The following ASF1B variants were observed in gnomAD, a reference collection of about 807,000 sequenced individuals.
ASF1B encodes histone chaperone ASF1B.
Under a neutral mutation model 16.6 loss-of-function variants are expected in ASF1B, and 10 were observed. The observed-to-expected ratio is 0.60, with a 90% CI of 0.37 to 1.02. The LOEUF is 1.02. Ranked by LOEUF, ASF1B falls within the 50% of genes least tolerant of loss-of-function variation. The pLI is 0.01. For missense variants in ASF1B, 240 were observed against 266.0 expected, an observed-to-expected ratio of 0.90 and a Z score of 0.68; for synonymous variants, 101 against 106.2, an observed-to-expected ratio of 0.95 and a Z score of 0.30.
At position 14,121,728 on chromosome 19, in the gene ASF1B, G is replaced by A. The variant is rs1241487397; in HGVS notation, c.226-20C>T. Reference sequence around the variant, plus strand: ...GTCGGCCTAGGGGAGACACATCCTAGGCCTTAGCAGTGCCACAGCCATGCC... The same window carrying A: ...GTCGGCCTAGGGGAGACACATCCTAAGCCTTAGCAGTGCCACAGCCATGCC... On this transcript the variant is annotated intron_variant, in intron 2 of 3. Transcript: ENST00000263382. 17 of 1,599,552 alleles carry A rather than the reference G, an allele frequency of 1.1e-5. No individual in the cohort carries two copies. Among genetic ancestry groups the A allele is most frequent in the Non-Finnish European group, 1.4e-5 (16 of 1,171,318 alleles).
intron 2 of ASF1B, among the ~76,000 whole-genome samples, chr19:14,122,649 T>G (rs957584126): frequency 1.3e-5 from 2 of 152,180 alleles, no homozygotes. Context: ...TGTGAGTCAC[T>G]GTGCCCAGCC....
chr19:14,130,771 C>T (rs1260931868), intron 1 of ASF1B, among the ~76,000 whole-genome samples: 1 of 134,138 alleles, frequency 7.5e-6, no homozygotes, highest in African/African-American at 2.9e-5. Context: ...GACATACCTC[C>T]ACTGTGTGTT....
rs1197502431 is a variant in ASF1B at position 14,121,530 on chromosome 19, A to G, written c.402+2T>C. The G allele has an allele frequency of 1.9e-6, 3 of 1,612,932 alleles. No individual in the cohort carries two copies. The highest frequency in any genetic ancestry group is 2.5e-6 in the Non-Finnish European group (3 of 1,179,218). On this transcript the variant is annotated splice_donor_variant, in intron 3 of 3. Transcript: ENST00000263382. LOFTEE classifies it high-confidence loss of function. ...GAAGCAGGAAGTGGAAACAGGCCCC[A>G]CCTGGGAGAAATCTGGCTTCATGGG... is the stretch of plus-strand genomic sequence containing the variant.
chr19:14,133,293 T>C (rs1009602548), intron 1 of ASF1B, among the ~76,000 whole-genome samples: 4 of 152,168 alleles, frequency 2.6e-5, no homozygotes, highest in Admixed American at 6.5e-5. Flanking sequence ...AGATAAAGAA[T>C]TTAGATTCAA....
chr19:14,130,780 T>TG lies in ASF1B; in HGVS notation c.110-4544_110-4543insC, dbSNP rs58538995. Among the ~76,000 whole-genome samples the TG allele has an allele frequency of 9.2e-3, 1,111 of 121,134 alleles. 20 individuals are homozygous for TG. Among genetic ancestry groups the TG allele is most frequent in the African/African-American group, 0.031 (1,030 of 32,752 alleles). 79.5% of individuals were successfully genotyped at this position (121,134 alleles called of 152,430 possible). ...GTGCAAGACATACCTCCACTGTGTG[T>TG]TTGTGTGTATATATATATATATATA... On this transcript the variant is annotated intron_variant, in intron 1 of 3. Coordinates refer to ENST00000263382, the MANE Select transcript of ASF1B (RefSeq NM_018154.3).
chr19:14,130,781 T>TGTG (rs1555776591), intron 1 of ASF1B, among the ~76,000 whole-genome samples: 22 of 132,434 alleles, frequency 1.7e-4, no homozygotes, highest in African/African-American at 5.2e-4. Context: ...CACTGTGTGT[T>TGTG]TGTGTGTATA....
At chr19:14,128,820 A>AAGCC (rs1967355461) in intron 1 of ASF1B, among the ~76,000 whole-genome samples, 2 of 152,152 alleles carry the variant, frequency 1.3e-5, no homozygotes, top group African/African-American at 4.8e-5. Context: ...GAAGACAGAA[A>AAGCC]AGCCAGCCAG....
At chr19:14,121,361 A>G (rs1252951872) in intron 3 of ASF1B, 171 bp downstream of exon 3, 4 of 661,612 alleles carry the variant, frequency 6.0e-6, no homozygotes, top group East Asian at 5.8e-5. Context: ...TCTCTAAGAC[A>G]TGCCTTTGAG....
At chr19:14,129,130 G>A (rs748190846) in intron 1 of ASF1B, among the ~76,000 whole-genome samples, 1 of 152,066 alleles carries the variant, frequency 6.6e-6, no homozygotes, top group African/African-American at 2.4e-5. Context: ...GGCGCGTGCC[G>A]GTGGTCCCAG....
Position 14,120,115 on chromosome 19 carries a change from C to T in ASF1B, c.*344G>A, listed in dbSNP as rs554959666. 1.4e-3 allele frequency: 340 copies of T among 244,984 alleles called. 2 individuals carry two copies. In the South Asian group the frequency reaches 0.017, roughly 13 times the overall value. The allele number at this position is 244,984 out of a possible 1,614,324, so 15.2% of individuals were successfully genotyped here. On this transcript the variant is annotated 3_prime_UTR_variant, in exon 4 of 4. Coordinates refer to ENST00000263382, the MANE Select transcript of ASF1B (RefSeq NM_018154.3). Reference sequence around the variant, plus strand: ...CCTTGACAGGCACTGACCAAGAAAGCCTCTAGGTGGGCCAGGGAGGTCTGT... The same window carrying T: ...CCTTGACAGGCACTGACCAAGAAAGTCTCTAGGTGGGCCAGGGAGGTCTGT...
At chr19:14,133,959 A>G (rs1426604084) in intron 1 of ASF1B, among the ~76,000 whole-genome samples, 3 of 151,258 alleles carry the variant, frequency 2.0e-5, no homozygotes, top group Non-Finnish European at 4.4e-5. Flanking sequence ...GCCCGCCACC[A>G]CGCCCGGCTA....
chr19:14,133,957 C>T (rs1325845522), intron 1 of ASF1B, among the ~76,000 whole-genome samples: 2 of 151,814 alleles, frequency 1.3e-5, no homozygotes, highest in Non-Finnish European at 2.9e-5. Context: ...GCGCCCGCCA[C>T]CACGCCCGGC....
At chr19:14,131,207 C>G (rs1967399848) in intron 1 of ASF1B, among the ~76,000 whole-genome samples, 2 of 136,990 alleles carry the variant, frequency 1.5e-5, no homozygotes, top group Non-Finnish European at 3.1e-5. Context: ...TTTTTTGAAA[C>G]AGAGTCTCGC....
intron 3 of ASF1B, among the ~76,000 whole-genome samples, chr19:14,121,066 C>T (rs1967228170): frequency 6.6e-6 from 1 of 151,728 alleles, no homozygotes; most frequent in Non-Finnish European, 1.5e-5. Context: ...GGTGATCCTA[C>T]AGCCTCGGCC....
Position 14,120,481 on chromosome 19 carries a change from TCAGGGAGGAGGC to T in ASF1B, c.575_586del (p.Gly192_Pro195del), listed in dbSNP as rs1967216807. 6.2e-7 allele frequency: 1 copy of T among 1,612,932 alleles called. No homozygotes were observed. The highest frequency in any genetic ancestry group is 8.5e-7 in the Non-Finnish European group (1 of 1,179,456). On this transcript the variant is annotated inframe_deletion, in exon 4 of 4. Coordinates refer to ENST00000263382, the MANE Select transcript of ASF1B (RefSeq NM_018154.3). ...CAGTTAGATGCAGTCCATGGAGTTC[TCAGGGAGGAGGC>T]CAGGGATGCAGCCAGGGAGCCCCAA...
intron 1 of ASF1B, among the ~76,000 whole-genome samples, chr19:14,132,024 G>GTT (rs34539223): frequency 1.8e-4 from 22 of 124,578 alleles, no homozygotes; most frequent in South Asian, 5.2e-4. Flanking sequence ...GGTTAGGGTG[G>GTT]TTTTTTTTTT....
intron 2 of ASF1B, among the ~76,000 whole-genome samples, chr19:14,122,112 G>A (rs1190551846): frequency 6.6e-6 from 1 of 152,014 alleles, no homozygotes; most frequent in African/African-American, 2.4e-5. Flanking sequence ...TGTATTTTTA[G>A]TAGAGATGGG....
chr19:14,121,787 A>T, intron 2 of ASF1B, 79 bp from the exon 3 acceptor site: 1 of 1,339,928 alleles, frequency 7.5e-7, no homozygotes, highest in Non-Finnish European at 1.0e-6. Context: ...CCCAAGCATC[A>T]TGTATTTACT....
rs1967397475 is a variant in ASF1B at position 14,131,119 on chromosome 19, C to A, written c.110-4882G>T. Among the ~76,000 whole-genome samples, 2 of 151,892 alleles carry A rather than the reference C, an allele frequency of 1.3e-5. 1 individual carries two copies. The highest frequency in any genetic ancestry group is 4.1e-4 in the South Asian group (2 of 4,824). ...TCTCAAACTCCTGACCTCAGATGAT[C>A]CACCTGCCTTGGTCTCCCAAAATGC... On this transcript the variant is annotated intron_variant, in intron 1 of 3. Coordinates refer to ENST00000263382, the MANE Select transcript of ASF1B (RefSeq NM_018154.3).
Sources: allele counts gnomAD v4.1 joint callset (sites outside exome capture counted in the v4.1 genomes callset), GRCh38; gene constraint gnomAD v4.1.1; transcripts MANE v1.5; gene names NCBI Gene and HGNC (gene_info 2026-07-23, HGNC 2026-07-21).